XYLT1: variants seen among roughly 807,000 people sequenced by gnomAD.
XYLT1 encodes the protein beta-D-xylosyltransferase 1.
A neutral mutation model predicts 91.3 loss-of-function variants in XYLT1; 36 were observed. That is an observed-to-expected ratio of 0.39 (90% CI 0.30 to 0.52). The LOEUF is 0.52. XYLT1 is among the 20% of genes least tolerant of loss of function. XYLT1 has a pLI of 0.68. For synonymous variants in XYLT1, 588 were observed against 532.0 expected, an observed-to-expected ratio of 1.11 and a Z score of -1.45; for missense variants, 1,242 against 1,284.5, an observed-to-expected ratio of 0.97 and a Z score of 0.51.
intron 6 of XYLT1, among the ~76,000 whole-genome samples, chr16:17,153,968 G>C (rs554138304): frequency 5.1e-4 from 77 of 152,308 alleles, no homozygotes; most frequent in African/African-American, 1.8e-3. Flanking sequence ...GACGGAACCA[G>C]GTTCCATCTC....
chr16:17,451,590 T>C lies in XYLT1; in HGVS notation c.363+18844A>G, dbSNP rs376481056. On this transcript the variant is annotated intron_variant, in intron 1 of 11. Transcript: ENST00000261381. ...AGTGTCTGCAAACATCCTGGGTACATCTGTAAAGCATGCACTCATAGAAAA... is the reference window on the plus strand; with the variant it reads ...AGTGTCTGCAAACATCCTGGGTACACCTGTAAAGCATGCACTCATAGAAAA... Among the ~76,000 whole-genome samples the C allele has an allele frequency of 9.2e-5, 14 of 152,292 alleles. No individual in the cohort carries two copies. In the East Asian group the frequency reaches 1.7e-3, roughly 19 times the overall value.
intron 8 of XYLT1, among the ~76,000 whole-genome samples, 166 bp from the exon 9 acceptor site, chr16:17,134,901 G>T (rs1198508264): frequency 6.6e-6 from 1 of 152,138 alleles, no homozygotes; most frequent in Non-Finnish European, 1.5e-5. Context: ...TGTAAAATGG[G>T]TTATAATAAG....
chr16:17,121,363 G>A (rs2030048847), intron 10 of XYLT1, among the ~76,000 whole-genome samples: 1 of 152,204 alleles, frequency 6.6e-6, no homozygotes, highest in Admixed American at 6.5e-5. Flanking sequence ...AGGGTGAGGT[G>A]TGGGGCAGCC....
At chr16:17,357,915 A>G in intron 2 of XYLT1, 97 bp downstream of exon 2, 3 of 1,359,482 alleles carry the variant, frequency 2.2e-6, no homozygotes, top group Admixed American at 4.2e-5. Flanking sequence ...AGGGGCAGCC[A>G]TGGGCCTGTC....
chr16:17,376,827 CAAAAAAAAAAA>C (rs10684824), intron 1 of XYLT1, among the ~76,000 whole-genome samples: 2,017 of 55,774 alleles, frequency 0.036, 39 homozygotes, highest in African/African-American at 0.047. Flanking sequence ...AACTCTGTCT[CAAAAAAAAAAA>C]AAAAAAAAAA....
chr16:17,460,619 A>G (rs1365359270), intron 1 of XYLT1, among the ~76,000 whole-genome samples: 2 of 152,176 alleles, frequency 1.3e-5, no homozygotes, highest in South Asian at 2.1e-4. Context: ...GCCACAGGTG[A>G]CAGGAGAGAT....
At chr16:17,454,677 C>T (rs1366935734) in intron 1 of XYLT1, among the ~76,000 whole-genome samples, 2 of 151,970 alleles carry the variant, frequency 1.3e-5, no homozygotes, top group Admixed American at 1.3e-4. Flanking sequence ...GCTGGGATTA[C>T]AGGCATCAAC....
At chr16:17,134,992 A>C (rs2030657052) in intron 8 of XYLT1, among the ~76,000 whole-genome samples, 1 of 152,176 alleles carries the variant, frequency 6.6e-6, no homozygotes, top group South Asian at 2.1e-4. Context: ...CATCATTTAG[A>C]TGTCTGTTAA....
At chr16:17,466,031 C>T (rs560922506) in intron 1 of XYLT1, among the ~76,000 whole-genome samples, 3 of 152,300 alleles carry the variant, frequency 2.0e-5, no homozygotes, top group South Asian at 4.1e-4. Flanking sequence ...GCCGGGGCCT[C>T]GCACATACTT....
chr16:17,343,784 A>G (rs558698106), intron 2 of XYLT1, among the ~76,000 whole-genome samples: 1 of 152,294 alleles, frequency 6.6e-6, no homozygotes, highest in South Asian at 2.1e-4. Context: ...GGCTTTTTAA[A>G]TGAGAAGAGG....
At chr16:17,232,423 GTGTGTGTA>G (rs1209369140) in intron 3 of XYLT1, among the ~76,000 whole-genome samples, 17 of 98,888 alleles carry the variant, frequency 1.7e-4, no homozygotes, top group African/African-American at 4.4e-4. Flanking sequence ...GTGTGTGTGT[GTGTGTGTA>G]TATATATATA....
intron 8 of XYLT1, chr16:17,138,136 G>GTTGT: frequency 2.0e-6 from 1 of 496,366 alleles, no homozygotes; most frequent in Non-Finnish European, 3.5e-6. Flanking sequence ...AAGGTCATTT[G>GTTGT]TTGTTTTTGG....
At position 17,441,543 on chromosome 16, in the gene XYLT1, C is replaced by A. The variant is rs1472808028; in HGVS notation, c.363+28891G>T. Among the ~76,000 whole-genome samples, 3 of 151,434 alleles carry A rather than the reference C, an allele frequency of 2.0e-5. No individual in the cohort carries two copies. The East Asian group carries it at 5.8e-4, about 29-fold the overall frequency. On this transcript the variant is annotated intron_variant, in intron 1 of 11. Coordinates refer to ENST00000261381, the MANE Select transcript of XYLT1 (RefSeq NM_022166.4). Reference sequence around the variant, plus strand: ...AAAGTCCTCACCATTCCCTATCGCCCTGCACCTGTCCTAGAGTACCAACTT... The same window carrying A: ...AAAGTCCTCACCATTCCCTATCGCCATGCACCTGTCCTAGAGTACCAACTT...
rs2036972680 is a variant in XYLT1, at chr16:17,470,510, C to CGCGCCT, written c.281_286dup (p.Gln94_Ala95dup). ...TTCTCCGGGGCCGCCTCCCCGCGCC[C>CGCGCCT]GCGCCTGGGGCCCCCGTCCTCCTCC... is the stretch of plus-strand genomic sequence containing the variant. On this transcript the variant is annotated inframe_insertion, in exon 1 of 12. Transcript: ENST00000261381. 9 of 1,229,586 alleles carry CGCGCCT rather than the reference C, an allele frequency of 7.3e-6. No homozygotes were observed. Among genetic ancestry groups the CGCGCCT allele is most frequent in the Non-Finnish European group, 9.1e-6 (9 of 987,128 alleles). 76.2% of individuals were successfully genotyped at this position (1,229,586 alleles called of 1,614,324 possible).
rs529751933 is a variant in XYLT1, at chr16:17,208,845, C to G, written c.914-8191G>C. ...GTTCAAGCGATTCTCCTGCCTCAGC[C>G]TCCTGAGGAGCTGAGACTACAGGTG... On this transcript the variant is annotated intron_variant, in intron 3 of 11. Coordinates refer to ENST00000261381, the MANE Select transcript of XYLT1 (RefSeq NM_022166.4). 2.6e-5 allele frequency among the ~76,000 whole-genome samples: 4 copies of G among 152,268 alleles called. No homozygotes were observed. In the East Asian group the frequency reaches 7.7e-4, roughly 29 times the overall value.
chr16:17,384,700 C>G (rs2035725994), intron 1 of XYLT1, among the ~76,000 whole-genome samples: 1 of 151,756 alleles, frequency 6.6e-6, no homozygotes, highest in Non-Finnish European at 1.5e-5. Flanking sequence ...AACTTTGCAA[C>G]TCCTGCCCTA....
At chr16:17,187,338 G>A (rs1193232472) in intron 5 of XYLT1, among the ~76,000 whole-genome samples, 2 of 144,370 alleles carry the variant, frequency 1.4e-5, no homozygotes, top group African/African-American at 5.2e-5. Context: ...AGCTTGCAAT[G>A]AGCCGAGATC....
intron 5 of XYLT1, among the ~76,000 whole-genome samples, chr16:17,192,538 A>C (rs1043362332): frequency 6.6e-6 from 1 of 152,178 alleles, no homozygotes; most frequent in African/African-American, 2.4e-5. Context: ...AAACCATCAT[A>C]CCTTTCGAGG....
At chr16:17,117,582 C>A in intron 11 of XYLT1, 64 bp downstream of exon 11, 1 of 1,543,656 alleles carries the variant, frequency 6.5e-7, no homozygotes, top group Non-Finnish European at 8.8e-7. Flanking sequence ...CCTACCAACA[C>A]CAAAGACCCT....
Sources: allele counts gnomAD v4.1 joint callset (sites outside exome capture counted in the v4.1 genomes callset), GRCh38; gene constraint gnomAD v4.1.1; transcripts MANE v1.5; gene names NCBI Gene and HGNC (gene_info 2026-07-23, HGNC 2026-07-21).